SLC28A1: variants seen among roughly 807,000 people sequenced by gnomAD.
SLC28A1 encodes solute carrier family 28 member 1.
In SLC28A1, 64 loss-of-function variants were observed where a neutral mutation model predicts 74.8. The ratio of observed to expected loss-of-function variants is 0.86; its 90% CI spans 0.70 to 1.05. SLC28A1 has a LOEUF of 1.05. SLC28A1 is among the 50% of genes least tolerant of loss of function. SLC28A1 has a pLI of 0.00. For synonymous variants in SLC28A1, 359 were observed against 335.0 expected, an observed-to-expected ratio of 1.07 and a Z score of -0.78; for missense variants, 828 against 822.8, an observed-to-expected ratio of 1.01 and a Z score of -0.08.
At chr15:84,922,713 C>T (rs1392120316) in intron 11 of SLC28A1, among the ~76,000 whole-genome samples, 1 of 152,248 alleles carries the variant, frequency 6.6e-6, no homozygotes, top group Admixed American at 6.5e-5. Flanking sequence ...GGCCCACCTG[C>T]CCCCTCTGCC....
At chr15:84,912,298 A>G (rs1471589683) in intron 9 of SLC28A1, among the ~76,000 whole-genome samples, 3 of 152,238 alleles carry the variant, frequency 2.0e-5, no homozygotes, top group Admixed American at 2.0e-4. Context: ...TCTATGAATC[A>G]TACAGACCTA....
intron 6 of SLC28A1, among the ~76,000 whole-genome samples, chr15:84,899,926 GGAAA>G (rs750882243): frequency 4.4e-4 from 44 of 100,548 alleles, no homozygotes; most frequent in South Asian, 2.2e-3. Context: ...AGGGAAAGAG[GGAAA>G]GAAAGAAAGA....
At chr15:84,952,722 C>CA in the SLC28A1 span, among the ~76,000 whole-genome samples, 2 of 151,966 alleles carry the variant, frequency 1.3e-5, no homozygotes, top group African/African-American at 4.8e-5. Flanking sequence ...CAAGTCTCTA[C>CA]AAAAAAATAC....
intron 12 of SLC28A1, among the ~76,000 whole-genome samples, chr15:84,925,067 GTTTTT>G (rs964017770): frequency 1.2e-5 from 1 of 84,164 alleles, no homozygotes; most frequent in Non-Finnish European, 2.2e-5. Flanking sequence ...CGCCCAGCTA[GTTTTT>G]TTTTTTTTTT....
chr15:84,919,349 T>G (rs1969527124), intron 10 of SLC28A1, among the ~76,000 whole-genome samples: 1 of 152,200 alleles, frequency 6.6e-6, no homozygotes, highest in Admixed American at 6.5e-5. Flanking sequence ...TCAGAATAAA[T>G]CAGCAACATC....
At chr15:84,907,709 T>C (rs748094820) in intron 8 of SLC28A1, among the ~76,000 whole-genome samples, 1 of 152,166 alleles carries the variant, frequency 6.6e-6, no homozygotes, top group Non-Finnish European at 1.5e-5. Flanking sequence ...ATATAAATCA[T>C]CAAGGACATA....
the SLC28A1 span, among the ~76,000 whole-genome samples, chr15:84,959,056 C>T: frequency 2.2e-5 from 3 of 136,156 alleles, no homozygotes; most frequent in Non-Finnish European, 4.6e-5. Flanking sequence ...GCCGAGATTG[C>T]GCCATTGCAC....
In SLC28A1 at chr15:84,945,247, C is replaced by A; in HGVS notation, c.*47C>A. ...CTGCGCTTCTGAGGGCTGTTCTCCC[C>A]CGGGAACCATCTGTCCCCACCTTCC... On this transcript the variant is annotated 3_prime_UTR_variant, in exon 19 of 19. Coordinates refer to ENST00000394573, the MANE Select transcript of SLC28A1 (RefSeq NM_004213.5). 1 of 1,564,672 alleles carries A rather than the reference C, an allele frequency of 6.4e-7. No individual in the cohort carries two copies. The highest frequency in any genetic ancestry group is 1.1e-5 in the South Asian group (1 of 89,938).
the SLC28A1 span, among the ~76,000 whole-genome samples, chr15:84,957,659 C>T: frequency 6.6e-6 from 1 of 152,206 alleles, no homozygotes; most frequent in East Asian, 1.9e-4. Context: ...GCTCTTAATT[C>T]TATTCCATTT....
At chr15:84,939,527 C>T (rs1214110354) in intron 15 of SLC28A1, 1 of 152,100 alleles carries the variant, frequency 6.6e-6, no homozygotes. Context: ...AAGGCATTAA[C>T]TTTTTTCTGA....
the SLC28A1 span, among the ~76,000 whole-genome samples, chr15:84,956,944 T>C: frequency 6.6e-6 from 1 of 152,162 alleles, no homozygotes; most frequent in South Asian, 2.1e-4. Flanking sequence ...AGGATGCATC[T>C]CCATATCAGA....
the SLC28A1 span, among the ~76,000 whole-genome samples, chr15:84,956,468 C>CTTTCTTTCCTTCTTTCTTTCTTTCT: frequency 1.5e-5 from 1 of 67,054 alleles, no homozygotes; most frequent in African/African-American, 4.5e-5. Flanking sequence ...TCTTTCTTTC[C>CTTTCTTTCCTTCTTTCTTTCTTTCT]TTCTTTCTTT....
Position 84,935,011 on chromosome 15 carries a change from T to G in SLC28A1, c.1215-15T>G, listed in dbSNP as rs769832351. The G allele has an allele frequency of 6.2e-7, 1 of 1,613,106 alleles. No individual in the cohort carries two copies. Among genetic ancestry groups the G allele is most frequent in the Non-Finnish European group, 8.5e-7 (1 of 1,179,088 alleles). On this transcript the variant is annotated splice_polypyrimidine_tract_variant and intron_variant, in intron 13 of 18. Coordinates refer to ENST00000394573, the MANE Select transcript of SLC28A1 (RefSeq NM_004213.5). ...GAGACAGGCCAGTAATGATCATTCTTGATCCCAACAACAGAGATGCTCAGA... is the reference window on the plus strand; with the variant it reads ...GAGACAGGCCAGTAATGATCATTCTGGATCCCAACAACAGAGATGCTCAGA...
chr15:84,935,736 G>T (rs1274136509), intron 15 of SLC28A1, among the ~76,000 whole-genome samples: 1 of 152,166 alleles, frequency 6.6e-6, no homozygotes, highest in Non-Finnish European at 1.5e-5. Flanking sequence ...CGGGGAGAGA[G>T]CATTGTTTGG....
At chr15:84,972,594 T>C in the SLC28A1 span, among the ~76,000 whole-genome samples, 1 of 152,218 alleles carries the variant, frequency 6.6e-6, no homozygotes, top group African/African-American at 2.4e-5. Flanking sequence ...TCAATACTTC[T>C]AGCCACAGCC....
intron 6 of SLC28A1, among the ~76,000 whole-genome samples, chr15:84,902,467 G>A (rs141295808): frequency 1.5e-5 from 2 of 130,822 alleles, no homozygotes; most frequent in African/African-American, 2.7e-5. Context: ...GCAATGGAAT[G>A]AGACTTTGTC....
intron 15 of SLC28A1, among the ~76,000 whole-genome samples, chr15:84,935,795 G>A (rs1971814429): frequency 6.6e-6 from 1 of 152,102 alleles, no homozygotes; most frequent in Non-Finnish European, 1.5e-5. Flanking sequence ...TGTGGCCTTA[G>A]GCCAGCCACA....
In SLC28A1 at chr15:84,919,821, T is replaced by C. The variant is rs1969583744; in HGVS notation, c.877-1168T>C. 2.6e-5 allele frequency among the ~76,000 whole-genome samples: 4 copies of C among 152,254 alleles called. No individual in the cohort carries two copies. The South Asian group carries it at 8.3e-4, about 32-fold the overall frequency. ...TTTATTTGGCAATCAAATTTCAACA[T>C]GAGTTTAGGTGGGGATATTCAAACC... is the stretch of plus-strand genomic sequence containing the variant. On this transcript the variant is annotated intron_variant, in intron 10 of 18. Coordinates refer to ENST00000394573, the MANE Select transcript of SLC28A1 (RefSeq NM_004213.5).
intron 6 of SLC28A1, among the ~76,000 whole-genome samples, chr15:84,903,316 G>A (rs1020446966): frequency 7.9e-5 from 12 of 152,236 alleles, no homozygotes; most frequent in Admixed American, 2.6e-4. Context: ...CCACTTTCTA[G>A]ATGAGTGGCC....
Sources: allele counts gnomAD v4.1 joint callset (sites outside exome capture counted in the v4.1 genomes callset), GRCh38; gene constraint gnomAD v4.1.1; transcripts MANE v1.5; gene names NCBI Gene and HGNC (gene_info 2026-07-23, HGNC 2026-07-21).